RSPO2: variants seen among roughly 807,000 people sequenced by gnomAD.
RSPO2 encodes R-spondin-2.
Under a neutral mutation model 30.9 loss-of-function variants are expected in RSPO2, and 14 were observed. That is an observed-to-expected ratio of 0.45 (90% CI 0.30 to 0.71). RSPO2 has a LOEUF of 0.71. Ranked by LOEUF, RSPO2 falls within the 30% of genes least tolerant of loss-of-function variation. RSPO2 has a pLI of 0.08. For synonymous variants in RSPO2, 107 were observed against 96.4 expected (o/e 1.11, Z -0.64); for missense variants, 264 against 301.9 (o/e 0.87, Z 0.93).
chr8:107,951,883 A>T (rs1334467086), intron 5 of RSPO2, among the ~76,000 whole-genome samples: 2 of 152,046 alleles, frequency 1.3e-5, no homozygotes, highest in Non-Finnish European at 2.9e-5. Context: ...GTCTATGCCC[A>T]AGACTGAATC....
rs74658880 is a variant in RSPO2 at position 108,006,512 on chromosome 8, T to C, written c.95-17268A>G. Among the ~76,000 whole-genome samples, 44 of 151,836 alleles carry C rather than the reference T, an allele frequency of 2.9e-4. No homozygotes were observed. The East Asian group carries it at 8.3e-3, about 29-fold the overall frequency. On this transcript the variant is annotated intron_variant, in intron 2 of 5. Transcript: ENST00000276659. ...AAAGTGAAAAGGAAAAGATCAAGCA[T>C]AGCTTAAGGAGAAGATATTAAAATA...
chr8:108,075,253 G>A (rs1440510683), intron 2 of RSPO2, among the ~76,000 whole-genome samples: 1 of 152,164 alleles, frequency 6.6e-6, no homozygotes, highest in African/African-American at 2.4e-5. Context: ...GGCCAAGGCG[G>A]GAGGATCACC....
intron 2 of RSPO2, among the ~76,000 whole-genome samples, chr8:108,038,163 A>G (rs1373979332): frequency 6.6e-6 from 1 of 152,226 alleles, no homozygotes; most frequent in Non-Finnish European, 1.5e-5. Flanking sequence ...AGGTCAAAAT[A>G]TCAACATTAT....
intron 3 of RSPO2, among the ~76,000 whole-genome samples, chr8:107,987,973 A>G (rs1347524232): frequency 1.3e-5 from 2 of 152,044 alleles, no homozygotes; most frequent in African/African-American, 2.4e-5. Flanking sequence ...ATTATGAATA[A>G]CCTGCTTACC....
intron 2 of RSPO2, among the ~76,000 whole-genome samples, chr8:108,078,519 A>C (rs1813083734): frequency 6.8e-6 from 1 of 147,254 alleles, no homozygotes; most frequent in Non-Finnish European, 1.5e-5. Flanking sequence ...ACTATTTAGA[A>C]AGTATTTGTA....
chr8:108,075,986 C>G (rs890712482), intron 2 of RSPO2, among the ~76,000 whole-genome samples: 1 of 151,718 alleles, frequency 6.6e-6, no homozygotes, highest in Non-Finnish European at 1.5e-5. Flanking sequence ...GGCAAGATAA[C>G]CAGAAAAAAA....
chr8:108,067,858 G>T (rs1812721679), intron 2 of RSPO2, among the ~76,000 whole-genome samples: 1 of 152,170 alleles, frequency 6.6e-6, no homozygotes, highest in South Asian at 2.1e-4. Flanking sequence ...GGAGGCCGAG[G>T]CAGGCAGATC....
intron 3 of RSPO2, among the ~76,000 whole-genome samples, chr8:107,979,996 T>C (rs1425139352): frequency 6.6e-6 from 1 of 152,214 alleles, no homozygotes; most frequent in Non-Finnish European, 1.5e-5. Context: ...CTTCCAAGAT[T>C]TCATTTCTCA....
At chr8:107,915,698 C>T (rs149216090) in intron 5 of RSPO2, among the ~76,000 whole-genome samples, 15 of 152,190 alleles carry the variant, frequency 9.9e-5, no homozygotes, top group South Asian at 4.2e-4. Flanking sequence ...TGGTCACATT[C>T]GGTGAGCCCT....
intron 5 of RSPO2, among the ~76,000 whole-genome samples, chr8:107,927,809 T>A (rs182523293): frequency 6.7e-6 from 1 of 149,832 alleles, no homozygotes; most frequent in Non-Finnish European, 1.5e-5. Context: ...CAGTATTTTA[T>A]TGAGGATTTT....
intron 5 of RSPO2, among the ~76,000 whole-genome samples, chr8:107,953,179 G>T (rs1479000403): frequency 6.6e-6 from 1 of 152,214 alleles, no homozygotes; most frequent in Non-Finnish European, 1.5e-5. Flanking sequence ...GCCTTCTGAT[G>T]TGGAGATGGG....
chr8:108,006,201 AG>A (rs2130573147), intron 2 of RSPO2, among the ~76,000 whole-genome samples: 1 of 152,316 alleles, frequency 6.6e-6, no homozygotes, highest in African/African-American at 2.4e-5. Context: ...ATAATCCCAA[AG>A]GGGAAAAGAA....
At chr8:108,058,500 T>A (rs1418486346) in intron 2 of RSPO2, among the ~76,000 whole-genome samples, 1 of 152,252 alleles carries the variant, frequency 6.6e-6, no homozygotes, top group East Asian at 1.9e-4. Flanking sequence ...AAAACTACTT[T>A]AAAGTTCATA....
Position 108,081,845 on chromosome 8 carries a change from G to C in RSPO2, c.94+700C>G, listed in dbSNP as rs1813208809. 4 of 940,656 alleles carry C rather than the reference G, an allele frequency of 4.3e-6. No homozygotes were observed. In the South Asian group the frequency reaches 1.5e-4, roughly 35 times the overall value. The allele number at this position is 940,656 out of a possible 1,614,324, so 58.3% of individuals were successfully genotyped here. A position where few individuals can be genotyped will look rare whatever the true frequency, so the allele number is the denominator to read the frequency against. On this transcript the variant is annotated intron_variant, in intron 2 of 5. Transcript: ENST00000276659. ...GCAAAGCAAATGGAGAGAGCGAAGT[G>C]GGGCCTGTTTTAAAAACAAACCTCT...
intron 5 of RSPO2, among the ~76,000 whole-genome samples, chr8:107,954,651 A>T (rs957727528): frequency 1.3e-5 from 2 of 151,528 alleles, no homozygotes; most frequent in Admixed American, 1.3e-4. Flanking sequence ...CTGCTCTGTC[A>T]CCAGGCTGGA....
At chr8:107,932,240 A>G (rs1411278785) in intron 5 of RSPO2, among the ~76,000 whole-genome samples, 1 of 152,184 alleles carries the variant, frequency 6.6e-6, no homozygotes, top group Non-Finnish European at 1.5e-5. Context: ...TAAGAGAGGA[A>G]GAAGCCAACA....
chr8:107,992,871 G>A (rs1384897945), intron 2 of RSPO2, among the ~76,000 whole-genome samples: 2 of 152,106 alleles, frequency 1.3e-5, no homozygotes, highest in African/African-American at 2.4e-5. Context: ...AACCAGGTGA[G>A]CAAAATGAAG....
intron 2 of RSPO2, among the ~76,000 whole-genome samples, chr8:108,032,961 A>C: frequency 6.7e-6 from 1 of 148,694 alleles, no homozygotes; most frequent in South Asian, 2.2e-4. Flanking sequence ...AAGGCAGGAG[A>C]ATGGCATGAA....
At position 107,951,051 on chromosome 8, in the gene RSPO2, T is replaced by A. The variant is rs975909960; in HGVS notation, c.616+7029A>T. ...GGCGATAGGGAGAATAAGTTTTTTT[T>A]TGTTGTTGTTGTTGTTGTTGTTGTT... On this transcript the variant is annotated intron_variant, in intron 5 of 5. Coordinates refer to ENST00000276659, the MANE Select transcript of RSPO2 (RefSeq NM_178565.5). Among the ~76,000 whole-genome samples the A allele has an allele frequency of 1.3e-5, 2 of 148,446 alleles. 1 individual carries two copies.
Sources: allele counts gnomAD v4.1 joint callset (sites outside exome capture counted in the v4.1 genomes callset), GRCh38; gene constraint gnomAD v4.1.1; transcripts MANE v1.5; gene names NCBI Gene and HGNC (gene_info 2026-07-23, HGNC 2026-07-21).